The following CADM2 variants were observed in gnomAD, a reference collection of about 807,000 sequenced individuals.
CADM2 encodes the protein cell adhesion molecule 2, also known as immunoglobulin superfamily member 4D.
Under a neutral mutation model 49.8 loss-of-function variants are expected in CADM2, and 12 were observed. The ratio of observed to expected loss-of-function variants is 0.24; its 90% CI spans 0.15 to 0.39. CADM2 has a LOEUF of 0.39. Among genes scored for constraint, CADM2 ranks in the 10% least tolerant of loss-of-function variants. The probability of loss-of-function intolerance (pLI) is 1.00; values close to 1 mark genes in which losing one functional copy is unlikely to be tolerated. For missense variants in CADM2, 378 were observed against 492.3 expected, an observed-to-expected ratio of 0.77 and a Z score of 2.20; for synonymous variants, 214 against 175.4, an observed-to-expected ratio of 1.22 and a Z score of -1.74.
chr3:85,133,996 G>A (rs1256970686), intron 1 of CADM2, among the ~76,000 whole-genome samples: 1 of 117,564 alleles, frequency 8.5e-6, no homozygotes, highest in Non-Finnish European at 2.1e-5. Context: ...CAGGTCCCGA[G>A]CCCTGCCCCG....
At chr3:85,144,066 A>G (rs2039656260) in intron 1 of CADM2, among the ~76,000 whole-genome samples, 1 of 151,990 alleles carries the variant, frequency 6.6e-6, no homozygotes, top group South Asian at 2.1e-4. Context: ...TTCCTTAGAT[A>G]TTCTCTTTCC....
At chr3:85,777,023 A>C (rs2070391341) in intron 2 of CADM2, among the ~76,000 whole-genome samples, 1 of 152,010 alleles carries the variant, frequency 6.6e-6, no homozygotes, top group Non-Finnish European at 1.5e-5. Context: ...TACATTATTT[A>C]TTCATGTTTC....
chr3:85,474,281 G>C (rs138832256), intron 1 of CADM2, among the ~76,000 whole-genome samples: 2 of 151,756 alleles, frequency 1.3e-5, no homozygotes, highest in Non-Finnish European at 2.9e-5. Flanking sequence ...TAGAGACCTA[G>C]GTAAGTGTTG....
chr3:85,226,005 G>A (rs2042152308), intron 1 of CADM2, among the ~76,000 whole-genome samples: 1 of 152,196 alleles, frequency 6.6e-6, no homozygotes, highest in Non-Finnish European at 1.5e-5. Flanking sequence ...CAGTTTGCCA[G>A]TATTTTACTG....
intron 1 of CADM2, among the ~76,000 whole-genome samples, chr3:84,986,378 C>T (rs576313301): frequency 6.6e-6 from 1 of 152,220 alleles, no homozygotes; most frequent in Non-Finnish European, 1.5e-5. Flanking sequence ...AGAGCAATTG[C>T]CTCACTCCAT....
intron 2 of CADM2, among the ~76,000 whole-genome samples, chr3:85,748,179 A>G (rs1303014705): frequency 6.6e-6 from 1 of 152,010 alleles, no homozygotes; most frequent in Non-Finnish European, 1.5e-5. Context: ...TTCTCTATCA[A>G]ACTCTCAGGA....
chr3:85,498,675 T>G (rs2039999106), intron 1 of CADM2, among the ~76,000 whole-genome samples: 1 of 152,184 alleles, frequency 6.6e-6, no homozygotes, highest in Non-Finnish European at 1.5e-5. Context: ...AAATATGTAT[T>G]AAATAAAATG....
chr3:85,064,783 T>C (rs1442262323), intron 1 of CADM2, among the ~76,000 whole-genome samples: 1 of 152,114 alleles, frequency 6.6e-6, no homozygotes, highest in Non-Finnish European at 1.5e-5. Context: ...GCTGGCTGAT[T>C]GAATAATAGA....
chr3:85,571,017 A>C (rs1191947730), intron 1 of CADM2, among the ~76,000 whole-genome samples: 1 of 152,154 alleles, frequency 6.6e-6, no homozygotes, highest in Non-Finnish European at 1.5e-5. Flanking sequence ...AAATATGCAA[A>C]ACTGATGGTG....
intron 2 of CADM2, among the ~76,000 whole-genome samples, chr3:85,750,885 G>T (rs1314461816): frequency 6.6e-6 from 1 of 152,032 alleles, no homozygotes; most frequent in Non-Finnish European, 1.5e-5. Flanking sequence ...AGCTTAGTGA[G>T]AACTTGGTTC....
In CADM2 at chr3:85,793,975, T is replaced by A. The variant is rs1430841813; in HGVS notation, c.89-8072T>A. On this transcript the variant is annotated intron_variant, in intron 2 of 9. Transcript: ENST00000383699. ...GGGCTTATACTTAATATTCAAAAAA[T>A]GTTAATTATATGCCTATTTTTCCCT... Among the ~76,000 whole-genome samples the A allele has an allele frequency of 2.6e-5, 4 of 152,282 alleles. No individual in the cohort carries two copies. The East Asian group carries it at 7.7e-4, about 29-fold the overall frequency.
At chr3:85,066,403 G>A (rs1193302524) in intron 1 of CADM2, among the ~76,000 whole-genome samples, 1 of 151,252 alleles carries the variant, frequency 6.6e-6, no homozygotes, top group Non-Finnish European at 1.5e-5. Flanking sequence ...AATCCCCAAA[G>A]TGCTATGATA....
intron 1 of CADM2, among the ~76,000 whole-genome samples, chr3:85,044,751 C>A (rs1248377989): frequency 2.6e-5 from 4 of 151,128 alleles, no homozygotes; most frequent in African/African-American, 9.7e-5. Flanking sequence ...AAGAATATCC[C>A]ATTTATAAAA....
At chr3:85,871,703 G>A (rs990509649) in intron 3 of CADM2, among the ~76,000 whole-genome samples, 9 of 152,048 alleles carry the variant, frequency 5.9e-5, no homozygotes, top group African/African-American at 1.2e-4. Flanking sequence ...TTACTCTATC[G>A]TTGTCATCAT....
intron 1 of CADM2, among the ~76,000 whole-genome samples, chr3:85,055,297 A>T (rs1347897170): frequency 6.6e-6 from 1 of 152,046 alleles, no homozygotes; most frequent in Non-Finnish European, 1.5e-5. Flanking sequence ...GATCAAGGAC[A>T]TGAAACTATT....
chr3:84,969,493 A>C (rs1281260572), intron 1 of CADM2, among the ~76,000 whole-genome samples: 2 of 144,894 alleles, frequency 1.4e-5, no homozygotes, highest in African/African-American at 5.1e-5. Context: ...TGACTAATCG[A>C]ATGTCTGGTC....
intron 6 of CADM2, among the ~76,000 whole-genome samples, chr3:85,924,212 C>A (rs765951288): frequency 6.6e-6 from 1 of 151,694 alleles, no homozygotes; most frequent in Non-Finnish European, 1.5e-5. Context: ...AAAGAAAGAA[C>A]ACAAATTATG....
intron 8 of CADM2, among the ~76,000 whole-genome samples, chr3:86,043,215 G>C (rs1736189524): frequency 6.6e-6 from 1 of 152,134 alleles, no homozygotes; most frequent in Non-Finnish European, 1.5e-5. Flanking sequence ...ACATAGTGTT[G>C]GAAGTTCTGG....
chr3:85,013,665 T>C (rs1420747703), intron 1 of CADM2, among the ~76,000 whole-genome samples: 3 of 151,208 alleles, frequency 2.0e-5, no homozygotes, highest in Non-Finnish European at 4.4e-5. Context: ...GTAAAATTTC[T>C]ATGTAGCTAT....
Sources: gnomAD v4.1 joint callset for allele counts (sites outside exome capture counted in the v4.1 genomes callset) on GRCh38, gnomAD v4.1.1 for gene constraint, MANE v1.5 for transcripts, NCBI Gene and HGNC (gene_info 2026-07-23, HGNC 2026-07-21) for gene names.